The following SNTG2 variants were observed in gnomAD, a reference collection of about 807,000 sequenced individuals.
SNTG2 encodes the protein gamma-2-syntrophin.
Under a neutral mutation model 70.9 loss-of-function variants are expected in SNTG2, and 74 were observed. That is an observed-to-expected ratio of 1.04 (90% CI 0.86 to 1.27). The LOEUF is 1.27. SNTG2 is among the 50% of genes most tolerant of loss of function. SNTG2 has a pLI of 0.00. For synonymous variants in SNTG2, 278 were observed against 273.8 expected (o/e 1.02, Z -0.15); for missense variants, 717 against 690.7 (o/e 1.04, Z -0.43).
chr2:1,296,454 C>T (rs1480982899), intron 14 of SNTG2, among the ~76,000 whole-genome samples: 5 of 152,224 alleles, frequency 3.3e-5, no homozygotes, highest in Non-Finnish European at 5.9e-5. Context: ...GTGAGCACGC[C>T]GCTACCTGCC....
chr2:1,187,548 AAAAT>A (rs1672322853), intron 8 of SNTG2, among the ~76,000 whole-genome samples: 1 of 152,194 alleles, frequency 6.6e-6, no homozygotes, highest in African/African-American at 2.4e-5. Flanking sequence ...GCAGTCCCTT[AAAAT>A]AAATTTATCT....
At chr2:1,009,629 G>A (rs1425901651) in intron 1 of SNTG2, among the ~76,000 whole-genome samples, 26 of 83,048 alleles carry the variant, frequency 3.1e-4, no homozygotes, top group South Asian at 3.8e-4. Flanking sequence ...GATACTGGTG[G>A]GTCGTGTGTA....
At chr2:1,126,584 C>A (rs907102990) in intron 4 of SNTG2, among the ~76,000 whole-genome samples, 3 of 152,164 alleles carry the variant, frequency 2.0e-5, no homozygotes, top group Non-Finnish European at 4.4e-5. Context: ...TACCAGTTTA[C>A]ATTACCACCA....
chr2:1,209,825 C>T (rs1294783346), intron 9 of SNTG2, among the ~76,000 whole-genome samples: 6 of 152,244 alleles, frequency 3.9e-5, no homozygotes, highest in African/African-American at 1.2e-4. Context: ...GGTGAATTTC[C>T]TTTTTCTGTT....
intron 1 of SNTG2, among the ~76,000 whole-genome samples, chr2:954,990 CTT>C (rs1296961132): frequency 6.6e-6 from 1 of 152,154 alleles, no homozygotes; most frequent in Non-Finnish European, 1.5e-5. Flanking sequence ...TTAGCAAAGA[CTT>C]TGGATTTAAG....
chr2:1,204,962 T>G (rs1192104824), intron 8 of SNTG2, among the ~76,000 whole-genome samples: 1 of 152,214 alleles, frequency 6.6e-6, no homozygotes, highest in Non-Finnish European at 1.5e-5. Flanking sequence ...AATATTATTT[T>G]CTTGTATGTC....
At chr2:965,953 C>T (rs1192768035) in intron 1 of SNTG2, among the ~76,000 whole-genome samples, 1 of 152,136 alleles carries the variant, frequency 6.6e-6, no homozygotes, top group Non-Finnish European at 1.5e-5. Context: ...CAGCTCCTCC[C>T]GGCTGCTCCC....
intron 8 of SNTG2, among the ~76,000 whole-genome samples, chr2:1,174,492 T>A (rs758896195): frequency 1.1e-4 from 16 of 152,300 alleles, no homozygotes; most frequent in South Asian, 4.1e-4. Flanking sequence ...TTTTCTAGTT[T>A]ATCATCATTA....
rs1402837560 is a variant in SNTG2 at position 1,259,385 on chromosome 2, TGGGTG to T, written c.1022_1026del (p.Trp341SerfsTer10). 2 of 1,613,996 alleles carry T rather than the reference TGGGTG, an allele frequency of 1.2e-6. No homozygotes were observed. The highest frequency in any genetic ancestry group is 2.2e-5 in the South Asian group (2 of 91,072). ...TTTCTTGCAGGTGAGCACATTCGAT[TGGGTG>T]CGAGCAGAAAGGACCTATCACCTCT... On this transcript the variant is annotated frameshift_variant, in exon 13 of 17. Coordinates refer to ENST00000308624, the MANE Select transcript of SNTG2 (RefSeq NM_018968.4). LOFTEE classifies it high-confidence loss of function.
At chr2:1,111,960 T>G (rs942942681) in intron 4 of SNTG2, among the ~76,000 whole-genome samples, 2 of 99,490 alleles carry the variant, frequency 2.0e-5, no homozygotes, top group Non-Finnish European at 4.6e-5. Context: ...GTTTAACCCT[T>G]ACAGTCCTTT....
At chr2:1,187,799 A>G (rs1672337687) in intron 8 of SNTG2, among the ~76,000 whole-genome samples, 1 of 152,204 alleles carries the variant, frequency 6.6e-6, no homozygotes, top group African/African-American at 2.4e-5. Flanking sequence ...ATAGTGCAGT[A>G]TTATTTTCAA....
At chr2:1,268,005 T>C (rs140947254) in intron 14 of SNTG2, among the ~76,000 whole-genome samples, 4 of 152,342 alleles carry the variant, frequency 2.6e-5, no homozygotes, top group East Asian at 3.9e-4. Context: ...CCTCTCAAAC[T>C]TGATGGTCCG....
chr2:1,019,924 T>A (rs1660066713), intron 1 of SNTG2, among the ~76,000 whole-genome samples: 1 of 152,078 alleles, frequency 6.6e-6, no homozygotes, highest in South Asian at 2.1e-4. Context: ...GCACCTGTAA[T>A]CCCAGCTACT....
intron 4 of SNTG2, among the ~76,000 whole-genome samples, chr2:1,118,329 C>T (rs1452066565): frequency 6.6e-6 from 1 of 152,102 alleles, no homozygotes; most frequent in African/African-American, 2.4e-5. Context: ...ACATGAAGCC[C>T]TTGCCACCAA....
chr2:1,167,134 A>G (rs6548205), intron 7 of SNTG2, among the ~76,000 whole-genome samples: 5,167 of 152,208 alleles, frequency 0.034, 289 homozygotes, highest in African/African-American at 0.12. Flanking sequence ...AACATAGGCC[A>G]CCCACAGACA....
chr2:962,949 G>A (rs1660401870), intron 1 of SNTG2, among the ~76,000 whole-genome samples: 1 of 152,156 alleles, frequency 6.6e-6, no homozygotes, highest in Non-Finnish European at 1.5e-5. Context: ...TGGAGGTACT[G>A]CAAATATTTC....
At chr2:1,076,324 G>A (rs982567222) in intron 1 of SNTG2, among the ~76,000 whole-genome samples, 6 of 152,252 alleles carry the variant, frequency 3.9e-5, no homozygotes, top group South Asian at 2.1e-4. Context: ...AGTAATTTGC[G>A]TGGTTAGTTT....
At chr2:1,135,457 C>T (rs568959641) in intron 4 of SNTG2, among the ~76,000 whole-genome samples, 7 of 152,318 alleles carry the variant, frequency 4.6e-5, no homozygotes, top group East Asian at 3.9e-4. Context: ...TGGTGGCTCA[C>T]GCCTGTAATC....
intron 15 of SNTG2, among the ~76,000 whole-genome samples, chr2:1,310,174 C>T (rs1680909449): frequency 6.6e-6 from 1 of 152,194 alleles, no homozygotes; most frequent in Non-Finnish European, 1.5e-5. Flanking sequence ...GCGTAGCCCC[C>T]TCACTGCAGC....
Sources: gnomAD v4.1 joint callset for allele counts (sites outside exome capture counted in the v4.1 genomes callset) on GRCh38, gnomAD v4.1.1 for gene constraint, MANE v1.5 for transcripts, NCBI Gene and HGNC (gene_info 2026-07-23, HGNC 2026-07-21) for gene names.